CDH20: variants seen among roughly 807,000 people sequenced by gnomAD.
CDH20 encodes the protein cadherin-20.
In CDH20, 29 loss-of-function variants were observed where a neutral mutation model predicts 74.2. The observed-to-expected ratio is 0.39, with a 90% CI of 0.29 to 0.53. The LOEUF (loss-of-function observed/expected upper bound fraction) is 0.53. CDH20 is among the 20% of genes least tolerant of loss of function. CDH20 has a pLI of 0.69. For missense variants in CDH20, 988 were observed against 1,048.3 expected (o/e 0.94, Z 0.79); for synonymous variants, 469 against 405.4 (o/e 1.16, Z -1.88).
chr18:61,398,715 G>C (rs1809550659), intron 1 of CDH20, among the ~76,000 whole-genome samples: 1 of 152,120 alleles, frequency 6.6e-6, no homozygotes, highest in South Asian at 2.1e-4. Flanking sequence ...TTTTCTGTTA[G>C]GTTTGCTTTT....
At chr18:61,545,257 A>T in intron 10 of CDH20, 113 bp downstream of exon 10, 3 of 720,930 alleles carry the variant, frequency 4.2e-6, no homozygotes, top group Non-Finnish European at 7.5e-6. Context: ...ACCAGCAGGG[A>T]GGATGTTAAT....
At chr18:61,466,088 A>ATG (rs775282686) in intron 1 of CDH20, among the ~76,000 whole-genome samples, 1 of 143,582 alleles carries the variant, frequency 7.0e-6, no homozygotes, top group African/African-American at 2.6e-5. Context: ...TCATTAAGCT[A>ATG]TATATATATA....
chr18:61,518,444 C>T (rs999496304), intron 6 of CDH20, among the ~76,000 whole-genome samples: 3 of 143,976 alleles, frequency 2.1e-5, no homozygotes, highest in East Asian at 3.9e-4. Flanking sequence ...CTTTGCTGTT[C>T]TGCAGCCTCC....
At chr18:61,483,953 CAAGATTTAAGTCT>C (rs1168241729) in intron 1 of CDH20, among the ~76,000 whole-genome samples, 5 of 152,184 alleles carry the variant, frequency 3.3e-5, no homozygotes, top group Non-Finnish European at 7.3e-5. Flanking sequence ...TATTGATACT[CAAGATTTAAGTCT>C]TACGTTTAGG....
chr18:61,488,768 C>G (rs565369249), intron 1 of CDH20, among the ~76,000 whole-genome samples: 1 of 152,122 alleles, frequency 6.6e-6, no homozygotes, highest in Non-Finnish European at 1.5e-5. Context: ...GCCTTCTAGG[C>G]CCCTAAAACA....
At chr18:61,335,618 T>C (rs1014961719) in intron 1 of CDH20, among the ~76,000 whole-genome samples, 1 of 152,236 alleles carries the variant, frequency 6.6e-6, no homozygotes, top group Non-Finnish European at 1.5e-5. Context: ...GTGACCTTTC[T>C]TTTCAGTGCT....
At chr18:61,522,272 A>G (rs973691771) in intron 6 of CDH20, among the ~76,000 whole-genome samples, 2 of 151,878 alleles carry the variant, frequency 1.3e-5, no homozygotes, top group Admixed American at 1.3e-4. Context: ...CTATACACCA[A>G]TAATAGATAG....
At chr18:61,450,581 T>G (rs1013979092) in intron 1 of CDH20, among the ~76,000 whole-genome samples, 3 of 152,156 alleles carry the variant, frequency 2.0e-5, no homozygotes, top group African/African-American at 7.2e-5. Context: ...TTTTTTATTA[T>G]AGAGGTAATG....
At chr18:61,408,901 A>G (rs1045147545) in intron 1 of CDH20, among the ~76,000 whole-genome samples, 9 of 152,226 alleles carry the variant, frequency 5.9e-5, no homozygotes, top group Non-Finnish European at 4.4e-5. Flanking sequence ...GTATGGATAA[A>G]AGATAATACT....
chr18:61,523,777 G>T (rs1047982796), intron 6 of CDH20, among the ~76,000 whole-genome samples: 1 of 151,958 alleles, frequency 6.6e-6, no homozygotes, highest in Non-Finnish European at 1.5e-5. Flanking sequence ...CAGGGACATG[G>T]ATGAAACCAC....
intron 6 of CDH20, among the ~76,000 whole-genome samples, chr18:61,521,182 A>G (rs1172052807): frequency 1.3e-5 from 2 of 151,150 alleles, no homozygotes; most frequent in Non-Finnish European, 2.9e-5. Context: ...TGCTAGCCAC[A>G]CTAATAAAAA....
At chr18:61,463,731 G>A (rs1909862499) in intron 1 of CDH20, among the ~76,000 whole-genome samples, 1 of 152,074 alleles carries the variant, frequency 6.6e-6, no homozygotes, top group Non-Finnish European at 1.5e-5. Context: ...AATCCCATCT[G>A]AAGGTAGGTT....
At position 61,549,966 on chromosome 18, in the gene CDH20, T is replaced by C. The variant is rs756109613; in HGVS notation, c.1649-12T>C. 2 of 1,604,954 alleles carry C rather than the reference T, an allele frequency of 1.2e-6. No individual in the cohort carries two copies. The highest frequency in any genetic ancestry group is 1.7e-6 in the Non-Finnish European group (2 of 1,172,680). On this transcript the variant is annotated splice_polypyrimidine_tract_variant and intron_variant, in intron 10 of 11. Coordinates refer to ENST00000262717, the MANE Select transcript of CDH20 (RefSeq NM_031891.4). ...TTCCCTTTTCCAATCCTGGAACCCC[T>C]CCTTCTTTCAGATAACACAGCACGG...
At chr18:61,411,485 C>T (rs1238395558) in intron 1 of CDH20, among the ~76,000 whole-genome samples, 1 of 151,738 alleles carries the variant, frequency 6.6e-6, no homozygotes, top group Non-Finnish European at 1.5e-5. Context: ...TTCGCAATTG[C>T]AAAAACGTGG....
At chr18:61,399,539 T>C (rs1268555456) in intron 1 of CDH20, among the ~76,000 whole-genome samples, 1 of 152,152 alleles carries the variant, frequency 6.6e-6, no homozygotes, top group African/African-American at 2.4e-5. Context: ...CAAAAATACA[T>C]CACCCTATCA....
chr18:61,533,191 C>T (rs1169413402), intron 7 of CDH20, among the ~76,000 whole-genome samples: 1 of 152,096 alleles, frequency 6.6e-6, no homozygotes, highest in Non-Finnish European at 1.5e-5. Context: ...GCCTCTAGTT[C>T]CAACTACTCA....
intron 1 of CDH20, among the ~76,000 whole-genome samples, chr18:61,350,477 C>A (rs569918873): frequency 1.1e-4 from 16 of 152,112 alleles, no homozygotes; most frequent in Non-Finnish European, 1.8e-4. Context: ...ACGATTCCAC[C>A]CTTAATCCAA....
chr18:61,506,823 C>T (rs1235103065), intron 5 of CDH20, among the ~76,000 whole-genome samples: 2 of 152,142 alleles, frequency 1.3e-5, no homozygotes, highest in Non-Finnish European at 2.9e-5. Context: ...CACTGAGGGG[C>T]AGCACATGGA....
intron 1 of CDH20, among the ~76,000 whole-genome samples, chr18:61,373,418 T>C (rs938504421): frequency 9.9e-5 from 15 of 152,080 alleles, no homozygotes; most frequent in African/African-American, 3.6e-4. Flanking sequence ...CGAGACTACT[T>C]CACCTAACTG....
Sources: allele counts gnomAD v4.1 joint callset (sites outside exome capture counted in the v4.1 genomes callset), GRCh38; gene constraint gnomAD v4.1.1; transcripts MANE v1.5; gene names NCBI Gene and HGNC (gene_info 2026-07-23, HGNC 2026-07-21).